The following TRIOBP variants were observed in gnomAD, a reference collection of about 807,000 sequenced individuals.
The protein encoded by TRIOBP is TRIO and F-actin-binding protein.
In TRIOBP, 169 loss-of-function variants were observed where a neutral mutation model predicts 238.8. That is an observed-to-expected ratio of 0.71 (90% CI 0.62 to 0.80). TRIOBP has a LOEUF of 0.80. TRIOBP is among the 30% of genes least tolerant of loss of function. The probability of loss-of-function intolerance (pLI) is 0.00; values close to 1 mark genes in which losing one functional copy is unlikely to be tolerated. For synonymous variants in TRIOBP, 1,150 were observed against 1,274.4 expected, an observed-to-expected ratio of 0.90 and a Z score of 2.08; for missense variants, 2,838 against 3,122.6, an observed-to-expected ratio of 0.91 and a Z score of 2.17.
Position 37,735,409 on chromosome 22 carries a change from C to T in TRIOBP, c.5073C>T (p.Ser1691=). 6.3e-7 allele frequency: 1 copy of T among 1,588,348 alleles called. No homozygotes were observed. Among genetic ancestry groups the T allele is most frequent in the Non-Finnish European group, 8.6e-7 (1 of 1,167,800 alleles). ...LEQTGPLGSR[S]TAKGPSLPEL... is the part of the protein sequence containing the mutation. The stretch of plus-strand genomic sequence containing the variant: ...AGACGGGCCCCCTGGGGAGCAGGAG[C>T]ACTGCGAAGGGCCCCAGCTTGCCAG... Residue 1691 remains serine, a synonymous_variant, in exon 9 of 24, where the codon AGC becomes AGT. Coordinates refer to ENST00000644935, the MANE Select transcript of TRIOBP (RefSeq NM_001039141.3).
intron 7 of TRIOBP, among the ~76,000 whole-genome samples, chr22:37,732,136 C>G (rs1448586681): frequency 6.6e-6 from 1 of 152,134 alleles, no homozygotes; most frequent in African/African-American, 2.4e-5. Flanking sequence ...GTGGTTGGGC[C>G]TTTTGTTGTG....
intron 2 of TRIOBP, among the ~76,000 whole-genome samples, chr22:37,699,371 G>A (rs1422733904): frequency 1.3e-5 from 2 of 151,986 alleles, no homozygotes; most frequent in African/African-American, 2.4e-5. Context: ...ACCTCCGAGA[G>A]AGCAGGGACA....
At chr22:37,755,044 C>T (rs1225248271) in intron 13 of TRIOBP, 57 bp from the exon 14 acceptor site, 4 of 1,610,940 alleles carry the variant, frequency 2.5e-6, no homozygotes, top group Non-Finnish European at 3.4e-6. Flanking sequence ...TGGCTGGGTT[C>T]ACTGGGGTGG....
At chr22:37,730,579 A>T (rs1418882890) in intron 7 of TRIOBP, among the ~76,000 whole-genome samples, 1 of 152,096 alleles carries the variant, frequency 6.6e-6, no homozygotes, top group Admixed American at 6.6e-5. Context: ...CCTATACCCC[A>T]GTTCGGGGGA....
At position 37,712,969 on chromosome 22, in the gene TRIOBP, TAAATAAA is replaced by T. The variant is rs1461435939; in HGVS notation, c.255-240_255-234del. On this transcript the variant is annotated intron_variant, in intron 4 of 23. Transcript: ENST00000644935. ...GAGACTCTGTCTCAAAATAAATAAA[TAAATAAA>T]TAAATAAATAAATAAATAAATAATA... 8.5e-3 allele frequency among the ~76,000 whole-genome samples: 1,206 copies of T among 141,912 alleles called. 16 individuals carry two copies. Among genetic ancestry groups the T allele is most frequent in the African/African-American group, 0.029 (1,137 of 38,702 alleles). The allele number at this position is 141,912 out of a possible 152,430, so 93.1% of individuals were successfully genotyped here. A position where few individuals can be genotyped will look rare whatever the true frequency, so the allele number is the denominator to read the frequency against.
intron 15 of TRIOBP, 49 bp from the exon 16 acceptor site, chr22:37,757,564 G>T: frequency 6.5e-7 from 1 of 1,544,654 alleles, no homozygotes; most frequent in Non-Finnish European, 8.7e-7. Flanking sequence ...GCTCATTGTG[G>T]GACTGCAGGG....
chr22:37,716,181 G>A (rs937275093), intron 6 of TRIOBP, among the ~76,000 whole-genome samples: 35 of 151,858 alleles, frequency 2.3e-4, no homozygotes, highest in African/African-American at 4.8e-4. Context: ...GTGTGATCTC[G>A]GCTCACTGCA....
At chr22:37,702,634 C>CTTTTTTTTTTTTTTTTTTTTTTTTTT (rs34625454) in intron 3 of TRIOBP, among the ~76,000 whole-genome samples, 1 of 81,198 alleles carries the variant, frequency 1.2e-5, no homozygotes, top group African/African-American at 5.0e-5. Context: ...TTCTCTCTCT[C>CTTTTTTTTTTTTTTTTTTTTTTTTTT]TTTTTTTTTT....
rs1211200801 is a variant in TRIOBP at position 37,774,198 on chromosome 22, T to C, written c.*418T>C. ...GGTCCCCCTCTGTCTCCAGCCACCC[T>C]CTGCTTGGGCTTCTGAGCTGGTGGC... On this transcript the variant is annotated 3_prime_UTR_variant, in exon 24 of 24. Transcript: ENST00000644935. The C allele has an allele frequency of 2.0e-5, 3 of 147,626 alleles. No individual in the cohort carries two copies. Among genetic ancestry groups the C allele is most frequent in the Non-Finnish European group, 3.0e-5 (2 of 67,314 alleles). The allele number at this position is 147,626 out of a possible 1,614,324, so 9.1% of individuals were successfully genotyped here. A position where few individuals can be genotyped will look rare whatever the true frequency, so the allele number is the denominator to read the frequency against.
At chr22:37,752,223 A>G (rs1208475897) in intron 12 of TRIOBP, among the ~76,000 whole-genome samples, 1 of 152,186 alleles carries the variant, frequency 6.6e-6, no homozygotes, top group Non-Finnish European at 1.5e-5. Flanking sequence ...GGTTTCACCC[A>G]CCTGGATCCC....
chr22:37,769,365 G>A lies in TRIOBP; in HGVS notation c.6839G>A (p.Cys2280Tyr). The change falls in exon 21 of 24, where the codon TGC (cysteine) becomes TAC (tyrosine). Residue 2280 changes from cysteine (C) to tyrosine (Y), a missense_variant. By Grantham distance (194) the Cys-to-Tyr change is radical (BLOSUM62 -2). Around this residue, in one of 5 missense-constraint regions of TRIOBP, gnomAD observed 2,096 missense variants for 2,137.4 expected, o/e 0.98. Transcript: ENST00000644935. ...GGGCGCAGCAACGAGCGGAGTTCCT[G>A]CGAGCTAGAGGTGAGTGTCCTCACT... is the stretch of plus-strand genomic sequence containing the variant. ...GCGRSNERSS[C>Y]ELEVLLRVKE... 1 of 1,604,944 alleles carries A rather than the reference G, an allele frequency of 6.2e-7. No individual in the cohort carries two copies. Among genetic ancestry groups the A allele is most frequent in the South Asian group, 1.1e-5 (1 of 89,956 alleles).
chr22:37,755,695 CA>C, intron 15 of TRIOBP, 36 bp downstream of exon 15: 1 of 1,595,492 alleles, frequency 6.3e-7, no homozygotes, highest in Non-Finnish European at 8.6e-7. Flanking sequence ...TTGAGGGAGG[CA>C]CTTACCCTTG....
chr22:37,718,189 C>G (rs560178308), intron 6 of TRIOBP, among the ~76,000 whole-genome samples: 11 of 152,348 alleles, frequency 7.2e-5, no homozygotes, highest in Middle Eastern at 3.4e-3. Context: ...CCACAAGCGC[C>G]GCGCGCAGCC....
chr22:37,697,492 G>T (rs1303016626), intron 1 of TRIOBP, 96 bp from the exon 2 acceptor site: 1 of 152,260 alleles, frequency 6.6e-6, no homozygotes, highest in Non-Finnish European at 1.5e-5. Flanking sequence ...ACGACCGCCC[G>T]GGGAGGATCA....
At chr22:37,768,729 A>C (rs1012654418) in intron 19 of TRIOBP, among the ~76,000 whole-genome samples, 2 of 151,854 alleles carry the variant, frequency 1.3e-5, no homozygotes, top group African/African-American at 4.8e-5. Flanking sequence ...TGAACCCAGG[A>C]GGCAGAGGTT....
chr22:37,720,207 C>G (rs897465356), intron 6 of TRIOBP, among the ~76,000 whole-genome samples: 5 of 151,860 alleles, frequency 3.3e-5, no homozygotes, highest in African/African-American at 1.2e-4. Context: ...CGGGGTTTCT[C>G]CATGTTGGTC....
At chr22:37,759,026 C>G in intron 16 of TRIOBP, 128 bp from the exon 17 acceptor site, 1 of 772,938 alleles carries the variant, frequency 1.3e-6, no homozygotes, top group Non-Finnish European at 2.2e-6. Flanking sequence ...AACCCTGAGG[C>G]ATTCCTAAGC....
Position 37,725,645 on chromosome 22 carries a change from C to T in TRIOBP, c.3089C>T (p.Pro1030Leu), listed in dbSNP as rs193043234. The change falls in exon 7 of 24, where the codon CCT (proline) becomes CTT (leucine). Residue 1030 changes from proline to leucine, a missense_variant. This residue lies in a region of TRIOBP where 2,096 missense variants were observed against 2,137.4 expected (regional missense o/e 0.98). Transcript: ENST00000644935. ...GATGCCCCTCGAGCCTCTTCGCCCC[C>T]TCGCTATTTGCAGCACGACCCCTTC... ...HRDAPRASSP[P>L]RYLQHDPFPF... is the part of the protein sequence containing the mutation. The T allele has an allele frequency of 6.2e-7, 1 of 1,613,874 alleles. No homozygotes were observed. The highest frequency in any genetic ancestry group is 1.1e-5 in the South Asian group (1 of 91,062).
chr22:37,738,443 T>TA (rs1424827795), intron 9 of TRIOBP, among the ~76,000 whole-genome samples, 199 bp from the exon 10 acceptor site: 2 of 151,978 alleles, frequency 1.3e-5, no homozygotes, highest in African/African-American at 4.8e-5. Context: ...GAATGGGTGA[T>TA]AGACAATGGA....
Sources: allele counts gnomAD v4.1 joint callset (sites outside exome capture counted in the v4.1 genomes callset), GRCh38; gene constraint gnomAD v4.1.1; regional missense constraint gnomAD v4.1.1; transcripts MANE v1.5; gene names NCBI Gene and HGNC (gene_info 2026-07-23, HGNC 2026-07-21).